Variants in DHRSX observed in about 807,000 individuals in gnomAD.
DHRSX encodes the protein polyprenol dehydrogenase.
DHRSX carries 31 observed loss-of-function variants against 34.0 expected under a neutral mutation model. That is an observed-to-expected ratio of 0.91 (90% CI 0.69 to 1.23). The LOEUF is 1.23. DHRSX is among the 50% of genes most tolerant of loss of function. The pLI is 0.00. For synonymous variants in DHRSX, 201 were observed against 183.8 expected (o/e 1.09, Z -0.76); for missense variants, 414 against 428.1 (o/e 0.97, Z 0.29).
chrX:2,435,960 C>T (rs1170330300), intron 1 of DHRSX, among the ~76,000 whole-genome samples: 9 of 151,988 alleles, frequency 5.9e-5, no homozygotes, highest in East Asian at 1.9e-4. Flanking sequence ...TTTGGGAGGC[C>T]GAGGCAGGCG....
intron 2 of DHRSX, among the ~76,000 whole-genome samples, chrX:2,412,265 G>A (rs1457820748): frequency 6.6e-6 from 1 of 152,174 alleles, no homozygotes; most frequent in Non-Finnish European, 1.5e-5. Context: ...ATGGAAAACA[G>A]TGGAGATGGG....
intron 3 of DHRSX, among the ~76,000 whole-genome samples, chrX:2,311,222 G>C (rs1201547252): frequency 6.6e-6 from 1 of 151,932 alleles, no homozygotes; most frequent in Non-Finnish European, 1.5e-5. Flanking sequence ...GTGACACAGA[G>C]AGGGAGAGAA....
intron 3 of DHRSX, among the ~76,000 whole-genome samples, chrX:2,316,274 G>T (rs2042240709): frequency 6.6e-6 from 1 of 151,876 alleles, no homozygotes; most frequent in Non-Finnish European, 1.5e-5. Flanking sequence ...AAAAGGGCCG[G>T]CTGCGGTGGC....
At chrX:2,308,008 G>A (rs1181177569) in intron 3 of DHRSX, among the ~76,000 whole-genome samples, 2 of 151,962 alleles carry the variant, frequency 1.3e-5, no homozygotes, top group African/African-American at 4.8e-5. Context: ...GAGGATCTCC[G>A]GAAGACTTGA....
chrX:2,316,015 C>T (rs765252917), intron 3 of DHRSX, among the ~76,000 whole-genome samples: 66 of 152,246 alleles, frequency 4.3e-4, no homozygotes, highest in African/African-American at 1.6e-3. Context: ...GTGCCTGCCA[C>T]CACACCCAGC....
intron 5 of DHRSX, among the ~76,000 whole-genome samples, chrX:2,255,870 C>A (rs1336631796): frequency 6.6e-6 from 1 of 151,780 alleles, no homozygotes; most frequent in African/African-American, 2.4e-5. Flanking sequence ...GCTGAGATTG[C>A]GCCACTGCAC....
At chrX:2,442,715 A>G (rs1423238449) in intron 1 of DHRSX, among the ~76,000 whole-genome samples, 3 of 152,138 alleles carry the variant, frequency 2.0e-5, no homozygotes, top group Non-Finnish European at 4.4e-5. Flanking sequence ...ATCAAGTACC[A>G]TCTTCTGGAA....
At chrX:2,493,988 CA>C (rs200899696) in intron 1 of DHRSX, among the ~76,000 whole-genome samples, 5 of 149,770 alleles carry the variant, frequency 3.3e-5, no homozygotes, top group East Asian at 1.9e-4. Context: ...AAGAAGAAAA[CA>C]AAAAAAAAGA....
At chrX:2,354,949 G>A (rs867332808) in intron 3 of DHRSX, among the ~76,000 whole-genome samples, 3 of 152,112 alleles carry the variant, frequency 2.0e-5, no homozygotes, top group Non-Finnish European at 4.4e-5. Context: ...TCCATCTTGG[G>A]ACTCATGGGA....
At chrX:2,283,790 A>G (rs1331428329) in intron 4 of DHRSX, among the ~76,000 whole-genome samples, 5 of 152,228 alleles carry the variant, frequency 3.3e-5, no homozygotes, top group African/African-American at 1.2e-4. Context: ...ATTTGAATTC[A>G]TTCCTTCTTT....
At chrX:2,342,477 T>C (rs1369532988) in intron 3 of DHRSX, among the ~76,000 whole-genome samples, 4 of 151,874 alleles carry the variant, frequency 2.6e-5, no homozygotes, top group Admixed American at 2.0e-4. Flanking sequence ...AGCAAGCCCA[T>C]CTGGCCAGCA....
At chrX:2,371,960 T>G (rs778548050) in intron 3 of DHRSX, among the ~76,000 whole-genome samples, 1 of 152,230 alleles carries the variant, frequency 6.6e-6, no homozygotes, top group Non-Finnish European at 1.5e-5. Context: ...TGTCCACAGC[T>G]GGACACTGGG....
chrX:2,368,874 G>A (rs1299734206), intron 3 of DHRSX, among the ~76,000 whole-genome samples: 1 of 151,982 alleles, frequency 6.6e-6, no homozygotes, highest in East Asian at 1.9e-4. Context: ...CCCGGGAGGT[G>A]GAGCTTGCAG....
Position 2,449,788 on chromosome X carries a change from G to A in DHRSX, c.110-24484C>T, listed in dbSNP as rs6641711. On this transcript the variant is annotated intron_variant, in intron 1 of 6. Coordinates refer to ENST00000334651, the MANE Select transcript of DHRSX (RefSeq NM_145177.3). ...CCCACCTCTGCCTCCTGAGTAGCTGGGAATATAAGCACATACTAATTTTTT... is the reference window on the plus strand; with the variant it reads ...CCCACCTCTGCCTCCTGAGTAGCTGAGAATATAAGCACATACTAATTTTTT... Among the ~76,000 whole-genome samples, 135 of 152,156 alleles carry A rather than the reference G, an allele frequency of 8.9e-4. 1 individual carries two copies. Among genetic ancestry groups the A allele is most frequent in the South Asian group, 5.0e-3 (24 of 4,802 alleles).
intron 3 of DHRSX, among the ~76,000 whole-genome samples, chrX:2,338,274 G>A (rs1388830616): frequency 4.6e-5 from 7 of 151,778 alleles, no homozygotes; most frequent in South Asian, 4.2e-4. Context: ...TGAAGGTTGC[G>A]GCGAGCCGAG....
intron 1 of DHRSX, chrX:2,488,343 T>G: frequency 5.4e-6 from 2 of 372,910 alleles, no homozygotes; most frequent in Non-Finnish European, 4.7e-6. Context: ...CCTGGCTAAT[T>G]TTTGTATTTT....
At chrX:2,358,769 G>C (rs747627468) in intron 3 of DHRSX, among the ~76,000 whole-genome samples, 1 of 152,212 alleles carries the variant, frequency 6.6e-6, no homozygotes, top group South Asian at 2.1e-4. Context: ...TGGAAAGACA[G>C]ATGTGCTTTG....
chrX:2,406,200 A>C (rs79674275), intron 3 of DHRSX, among the ~76,000 whole-genome samples: 1 of 150,740 alleles, frequency 6.6e-6, no homozygotes, highest in Non-Finnish European at 1.5e-5. Flanking sequence ...GCTGAGGCAG[A>C]AGAATCGCTT....
intron 1 of DHRSX, chrX:2,488,914 G>A (rs1352109143): frequency 1.2e-6 from 2 of 1,603,734 alleles, no homozygotes; most frequent in East Asian, 2.2e-5. Context: ...GCAGCACCTT[G>A]GGCAGCAGGG....
Sources: gnomAD v4.1 joint callset for allele counts (sites outside exome capture counted in the v4.1 genomes callset) on GRCh38, gnomAD v4.1.1 for gene constraint, MANE v1.5 for transcripts, NCBI Gene and HGNC (gene_info 2026-07-23, HGNC 2026-07-21) for gene names.